NDST2: variants seen among roughly 807,000 people sequenced by gnomAD.
NDST2 encodes the protein bifunctional heparan sulfate N-deacetylase/N-sulfotransferase 2.
A neutral mutation model predicts 86.9 loss-of-function variants in NDST2; 32 were observed. The ratio of observed to expected loss-of-function variants is 0.37; its 90% CI spans 0.28 to 0.49. The LOEUF (loss-of-function observed/expected upper bound fraction) is 0.49. NDST2 is among the 20% of genes least tolerant of loss of function. The pLI, the probability that NDST2 is intolerant of heterozygous loss-of-function variation, is 0.97. For synonymous variants in NDST2, 409 were observed against 437.0 expected, an observed-to-expected ratio of 0.94 and a Z score of 0.80; for missense variants, 950 against 1,146.9, an observed-to-expected ratio of 0.83 and a Z score of 2.48.
At position 73,805,999 on chromosome 10, in the gene NDST2, G is replaced by C; in HGVS notation, c.1464C>G (p.Phe488Leu). The change falls in exon 7 of 15, where the codon TTC becomes TTG. Residue 488 changes from phenylalanine (F) to leucine (L), a missense_variant. This residue lies in a region of NDST2 where 586 missense variants were observed against 714.0 expected (regional missense o/e 0.82). Transcript: ENST00000309979. ...MVLPRQTCGL[F>L]THTIFYNEYP... ...ACTCATTATAGAAGATTGTGTGAGT[G>C]AAGAGGCCACATGTCTGCCGGGGCA... 1.2e-6 allele frequency: 2 copies of C among 1,614,198 alleles called. No homozygotes were observed. Among genetic ancestry groups the C allele is most frequent in the Non-Finnish European group, 1.7e-6 (2 of 1,180,030 alleles).
chr10:73,803,085 A>G lies in NDST2; in HGVS notation c.2314-4T>C, dbSNP rs374643232. 2.2e-5 allele frequency: 36 copies of G among 1,614,222 alleles called. No individual in the cohort carries two copies. In the East Asian group the frequency reaches 4.5e-4, roughly 20 times the overall value. The stretch of plus-strand genomic sequence containing the variant: ...CTTGCCCATCCACAATCAGCAACTA[A>G]AAGGACAGGGATGTGGTTCCCTCTA... On this transcript the variant is annotated splice_region_variant and splice_polypyrimidine_tract_variant and intron_variant, in intron 12 of 14. Transcript: ENST00000309979.
chr10:73,808,745 A>C lies in NDST2; in HGVS notation c.-341-16T>G. The C allele has an allele frequency of 4.7e-6, 1 of 213,592 alleles. No homozygotes were observed. Among genetic ancestry groups the C allele is most frequent in the Non-Finnish European group, 9.5e-6 (1 of 105,716 alleles). 13.2% of individuals were successfully genotyped at this position (213,592 alleles called of 1,614,324 possible). On this transcript the variant is annotated splice_polypyrimidine_tract_variant and intron_variant, in intron 2 of 14. Coordinates refer to ENST00000309979, the MANE Select transcript of NDST2 (RefSeq NM_003635.4). This position sits in a 1 kb window ranked among gnomAD's most constrained non-coding sequence, Gnocchi z 4.3. ...TCCCCTCTACCTGTAAGACAGAGAA[A>C]TCAGTGGGTTACTCCTCCCTCTGAA...
chr10:73,811,242 C>T (rs1349082937), intron 1 of NDST2, among the ~76,000 whole-genome samples: 1 of 152,050 alleles, frequency 6.6e-6, no homozygotes, highest in Non-Finnish European at 1.5e-5. Context: ...TCCGGGGTGA[C>T]ATCGAGACAG....
At position 73,807,762 on chromosome 10, in the gene NDST2, C is replaced by T. The variant is rs1212080726; in HGVS notation, c.627G>A (p.Leu209=). The T allele has an allele frequency of 6.2e-7, 1 of 1,614,140 alleles. No homozygotes were observed. Among genetic ancestry groups the T allele is most frequent in the South Asian group, 1.1e-5 (1 of 91,078 alleles). The change falls in exon 3 of 15, where the codon CTG becomes CTA. Residue 209 remains leucine, a synonymous_variant. Transcript: ENST00000309979. ...CTAGGCGGCTGGGGCGTGTGAGATG[C>T]AGTAGCGGGGCAGAAGGATTCACTT... The part of the protein sequence containing the change: ...DYQVNPSAPL[L]HLTRPSRLEP...
intron 9 of NDST2, among the ~76,000 whole-genome samples, chr10:73,804,507 G>A (rs1258809128): frequency 2.6e-5 from 4 of 152,002 alleles, no homozygotes; most frequent in Admixed American, 6.5e-5. Context: ...CAGGTGTGGT[G>A]GCACCTGCCT....
intron 1 of NDST2, among the ~76,000 whole-genome samples, chr10:73,811,234 C>A (rs1406957345): frequency 6.6e-6 from 1 of 152,090 alleles, no homozygotes. Flanking sequence ...GCGGCGACTC[C>A]GGGGTGACAT....
At chr10:73,807,294 ACC>A in intron 3 of NDST2, 88 bp downstream of exon 3, 1 of 1,568,032 alleles carries the variant, frequency 6.4e-7, no homozygotes, top group Non-Finnish European at 8.8e-7. Context: ...CAGGGAGTGT[ACC>A]TATGACAAGC....
chr10:73,803,463 A>C, intron 11 of NDST2, 104 bp from the exon 12 acceptor site: 2 of 1,541,440 alleles, frequency 1.3e-6, no homozygotes, highest in Non-Finnish European at 1.8e-6. Context: ...CCCGTCCCCA[A>C]GGCACTAGTT....
At position 73,803,612 on chromosome 10, in the gene NDST2, G is replaced by A. The variant is rs144915184; in HGVS notation, c.2104C>T (p.Leu702Phe). The change falls in exon 11 of 15, where the codon CTC becomes TTC. Residue 702 changes from leucine to phenylalanine, a missense_variant. By Grantham distance (22) the Leu-to-Phe change is conservative. Around this residue, in one of 5 missense-constraint regions of NDST2, gnomAD observed 303 missense variants for 323.7 expected, o/e 0.94. Transcript: ENST00000309979. ...LLPRAKIITV[L>F]TNPADRAYSW... ...TAGGCCCTGTCAGCAGGGTTGGTGA[G>A]CACTGTGATGATCTTGGCTCGTGGC... The A allele has an allele frequency of 1.7e-4, 277 of 1,613,020 alleles. No homozygotes were observed. Among genetic ancestry groups the A allele is most frequent in the South Asian group, 2.7e-4 (25 of 91,032 alleles).
In NDST2 at chr10:73,803,978, C is replaced by T. The variant is rs142808811; in HGVS notation, c.1882G>A (p.Ala628Thr). The T allele has an allele frequency of 3.3e-4, 531 of 1,614,008 alleles. No homozygotes were observed. The highest frequency in any genetic ancestry group is 3.9e-4 in the Non-Finnish European group (466 of 1,180,048). ...GGGCTAGGGAAGCTGCTAGTTACAG[C>T]TGGGTGCAGGCTCAGGAAGAAGTGA... ...AIHFFLSLHP[A>T]VTSSFPSPST... The change falls in exon 10 of 15, where the codon GCT (alanine) becomes ACT (threonine). Residue 628 changes from alanine (A) to threonine (T), a missense_variant. Coordinates refer to ENST00000309979, the MANE Select transcript of NDST2 (RefSeq NM_003635.4).
chr10:73,803,892 C>G lies in NDST2; in HGVS notation c.1967+1G>C. The G allele has an allele frequency of 6.2e-7, 1 of 1,614,126 alleles. No individual in the cohort carries two copies. Among genetic ancestry groups the G allele is most frequent in the Non-Finnish European group, 8.5e-7 (1 of 1,180,014 alleles). On this transcript the variant is annotated splice_donor_variant, in intron 10 of 14. Transcript: ENST00000309979. LOFTEE classifies it high-confidence loss of function. The stretch of plus-strand genomic sequence containing the variant: ...AACATTCAAATGGGGCCCAGTCTCA[C>G]CAGTCAATACCCTTGTGGTAATTAG...
chr10:73,809,450 G>A (rs1214259969), intron 2 of NDST2, among the ~76,000 whole-genome samples: 1 of 152,146 alleles, frequency 6.6e-6, no homozygotes, highest in Non-Finnish European at 1.5e-5. Context: ...CCCTGAGCAG[G>A]CCACACACTG....
rs1356121062 is a variant in NDST2 at position 73,804,888 on chromosome 10, A to C, written c.1747-19T>G. On this transcript the variant is annotated intron_variant, in intron 8 of 14. Coordinates refer to ENST00000309979, the MANE Select transcript of NDST2 (RefSeq NM_003635.4). ...AGGGATTCTGAAGCCAGGGCCAATA[A>C]TCAGATAAGGCCTATTTTTTTTTTT... The C allele has an allele frequency of 2.0e-6, 3 of 1,513,968 alleles. No homozygotes were observed. Among genetic ancestry groups the C allele is most frequent in the African/African-American group, 2.8e-5 (2 of 71,190 alleles). 93.8% of individuals were successfully genotyped at this position (1,513,968 alleles called of 1,614,324 possible).
At chr10:73,805,364 A>C (rs1212723582) in intron 8 of NDST2, among the ~76,000 whole-genome samples, 1 of 151,896 alleles carries the variant, frequency 6.6e-6, no homozygotes, top group Non-Finnish European at 1.5e-5. Context: ...AATACAAAAA[A>C]TTAGCCGGGC....
chr10:73,804,857 C>A lies in NDST2; in HGVS notation c.1759G>T (p.Asp587Tyr). ...GACCAGATATCTTTGTGCCTCTTGTCATCACAGGGATTCTGAAGCCAGGGC... is the reference window on the plus strand; with the variant it reads ...GACCAGATATCTTTGTGCCTCTTGTAATCACAGGGATTCTGAAGCCAGGGC... Reference protein sequence around the residue: ...RSPLWQNPCDDKRHKDIWSKE... With the variant: ...RSPLWQNPCDYKRHKDIWSKE... Residue 587 changes from aspartate (D) to tyrosine (Y), a missense_variant, in exon 9 of 15, where the codon GAC (aspartate) becomes TAC (tyrosine). Around this residue, in one of 5 missense-constraint regions of NDST2, gnomAD observed 586 missense variants for 714.0 expected, o/e 0.82. Transcript: ENST00000309979. 6.2e-7 allele frequency: 1 copy of A among 1,604,400 alleles called. No homozygotes were observed. The highest frequency in any genetic ancestry group is 8.5e-7 in the Non-Finnish European group (1 of 1,173,878).
At position 73,806,616 on chromosome 10, in the gene NDST2, T is replaced by A; in HGVS notation, c.1248+41A>T. On this transcript the variant is annotated intron_variant, in intron 5 of 14. Transcript: ENST00000309979. The surrounding 1 kb of genome is among the most constrained non-coding windows in gnomAD (Gnocchi z 4.5). ...TTAGGGGAAGGTAGAAAAGGAAGCA[T>A]GGCTGGGAGAAATTATGGGGAAGAG... 1 of 1,600,952 alleles carries A rather than the reference T, an allele frequency of 6.2e-7. No individual in the cohort carries two copies. The highest frequency in any genetic ancestry group is 8.6e-7 in the Non-Finnish European group (1 of 1,169,262).
Position 73,808,331 on chromosome 10 carries a change from T to G in NDST2, c.58A>C (p.Ile20Leu), listed in dbSNP as rs1244995507. ...PARQLELHRL[I>L]LLLIAFSLGS... ...AGGCTGAAAGCGATCAGCAGCAGTA[T>G]GAGGCGGTGCAGTTCCAGCTGCCGA... The change falls in exon 3 of 15, where the codon ATA becomes CTA. Residue 20 changes from isoleucine to leucine, a missense_variant. By Grantham distance (5) the Ile-to-Leu change is conservative. Around this residue, in one of 5 missense-constraint regions of NDST2, gnomAD observed 38 missense variants for 42.5 expected, o/e 0.89. Coordinates refer to ENST00000309979, the MANE Select transcript of NDST2 (RefSeq NM_003635.4). This position sits in a 1 kb window ranked among gnomAD's most constrained non-coding sequence, Gnocchi z 4.3. The G allele has an allele frequency of 3.8e-6, 6 of 1,595,050 alleles. No homozygotes were observed. Among genetic ancestry groups the G allele is most frequent in the Non-Finnish European group, 5.1e-6 (6 of 1,171,172 alleles).
In NDST2 at chr10:73,806,482, T is replaced by G; in HGVS notation, c.1249-8A>C. 1.3e-6 allele frequency: 2 copies of G among 1,576,750 alleles called. No individual in the cohort carries two copies. The highest frequency in any genetic ancestry group is 4.5e-5 in the East Asian group (2 of 44,468). ...CGTGGGAATCCCATGCTCCTGGGAA[T>G]GGCATAGACTCTCACCAGGACCTGG... On this transcript the variant is annotated splice_region_variant and splice_polypyrimidine_tract_variant and intron_variant, in intron 5 of 14. Coordinates refer to ENST00000309979, the MANE Select transcript of NDST2 (RefSeq NM_003635.4). The surrounding 1 kb of genome is among the most constrained non-coding windows in gnomAD (Gnocchi z 4.5).
chr10:73,806,708 G>A lies in NDST2; in HGVS notation c.1197C>T (p.His399=). The change falls in exon 5 of 15, where the codon CAC becomes CAT. Residue 399 remains histidine (H), a synonymous_variant. Transcript: ENST00000309979. The surrounding 1 kb of genome is among the most constrained non-coding windows in gnomAD (Gnocchi z 4.5). The stretch of plus-strand genomic sequence containing the variant: ...TCTGGTCAGCCAGCACGGAGCGATT[G>A]TGGAACAGGTGTGGCTGCATGTGGC... ...MWSHMQPHLF[H]NRSVLADQMR... The A allele has an allele frequency of 3.1e-6, 5 of 1,614,216 alleles. No homozygotes were observed. The highest frequency in any genetic ancestry group is 1.3e-5 in the African/African-American group (1 of 75,044).
Sources: gnomAD v4.1 joint callset for allele counts (sites outside exome capture counted in the v4.1 genomes callset) on GRCh38, gnomAD v4.1.1 for gene constraint, gnomAD v4.1.1 regional missense constraint, Gnocchi (gnomAD v3.1) non-coding constraint, MANE v1.5 for transcripts, NCBI Gene and HGNC (gene_info 2026-07-23, HGNC 2026-07-21) for gene names.